MAD1L1: variants seen among roughly 807,000 people sequenced by gnomAD.
MAD1L1 encodes the protein mitotic spindle assembly checkpoint protein MAD1.
In MAD1L1, 95 loss-of-function variants were observed where a neutral mutation model predicts 96.9. That is an observed-to-expected ratio of 0.98 (90% CI 0.83 to 1.16). The LOEUF is 1.16. Ranked by LOEUF, MAD1L1 falls within the 50% of genes most tolerant of loss-of-function variation. The probability of loss-of-function intolerance (pLI) is 0.00; values close to 1 mark genes in which losing one functional copy is unlikely to be tolerated. For missense variants in MAD1L1, 1,007 were observed against 954.4 expected (o/e 1.06, Z -0.73); for synonymous variants, 473 against 396.6 (o/e 1.19, Z -2.29).
intron 13 of MAD1L1, among the ~76,000 whole-genome samples, chr7:2,003,328 G>T (rs1404839472): frequency 1.3e-5 from 2 of 152,142 alleles, no homozygotes; most frequent in African/African-American, 4.8e-5. Context: ...CATGTGGTGG[G>T]GATGGGGGAA....
intron 18 of MAD1L1, among the ~76,000 whole-genome samples, chr7:1,852,441 G>T (rs1784027479): frequency 6.6e-6 from 1 of 152,170 alleles, no homozygotes; most frequent in African/African-American, 2.4e-5. Flanking sequence ...TGCACTGGGG[G>T]GAGTCCAGGC....
chr7:2,033,568 T>C (rs930847186), intron 12 of MAD1L1, among the ~76,000 whole-genome samples: 1 of 152,152 alleles, frequency 6.6e-6, no homozygotes, highest in Non-Finnish European at 1.5e-5. Flanking sequence ...AACACGGTAA[T>C]AGAAAACTGG....
chr7:1,822,996 G>A (rs945688855), intron 18 of MAD1L1, among the ~76,000 whole-genome samples: 97 of 152,042 alleles, frequency 6.4e-4, no homozygotes, highest in African/African-American at 2.2e-3. Flanking sequence ...ATATTATGCC[G>A]TGACCAAGTG....
At chr7:1,928,786 G>C (rs1209363616) in intron 17 of MAD1L1, among the ~76,000 whole-genome samples, 1 of 152,194 alleles carries the variant, frequency 6.6e-6, no homozygotes, top group Non-Finnish European at 1.5e-5. Flanking sequence ...TGCCACGTGA[G>C]AGCTGGGCAC....
At chr7:2,149,397 A>T (rs1428206068) in intron 10 of MAD1L1, among the ~76,000 whole-genome samples, 159 bp from the exon 11 acceptor site, 1 of 152,144 alleles carries the variant, frequency 6.6e-6, no homozygotes, top group Admixed American at 6.5e-5. Context: ...GCATGCACGC[A>T]CTACAGCCTG....
At chr7:1,938,628 C>T (rs1431073540) in intron 16 of MAD1L1, among the ~76,000 whole-genome samples, 1 of 152,182 alleles carries the variant, frequency 6.6e-6, no homozygotes, top group South Asian at 2.1e-4. Context: ...TCAGACAACC[C>T]ACTCTAAAAA....
intron 17 of MAD1L1, among the ~76,000 whole-genome samples, chr7:1,905,874 A>C (rs1355750300): frequency 6.6e-6 from 1 of 151,980 alleles, no homozygotes; most frequent in Non-Finnish European, 1.5e-5. Flanking sequence ...ACATGGTGAA[A>C]CCCTGTCTCT....
intron 18 of MAD1L1, among the ~76,000 whole-genome samples, chr7:1,831,358 T>G (rs138281808): frequency 6.6e-6 from 1 of 152,280 alleles, no homozygotes; most frequent in Non-Finnish European, 1.5e-5. Flanking sequence ...CTGATAAATG[T>G]GTGTGTTCTG....
At chr7:1,979,171 G>A (rs1411097759) in intron 15 of MAD1L1, among the ~76,000 whole-genome samples, 3 of 152,182 alleles carry the variant, frequency 2.0e-5, no homozygotes, top group East Asian at 1.9e-4. Context: ...GGCTGCTGCC[G>A]CGGGGGGTCC....
At chr7:2,161,182 AT>A (rs1790099146) in intron 10 of MAD1L1, among the ~76,000 whole-genome samples, 1 of 29,872 alleles carries the variant, frequency 3.3e-5, no homozygotes, top group Non-Finnish European at 6.6e-5. Context: ...TACTGCCGCC[AT>A]CTCGACTCAC....
chr7:2,062,196 C>G (rs1293681554), intron 12 of MAD1L1, among the ~76,000 whole-genome samples: 1 of 148,858 alleles, frequency 6.7e-6, no homozygotes, highest in Non-Finnish European at 1.5e-5. Context: ...GAGCTGAGAT[C>G]GCGCCACTGC....
chr7:1,872,958 G>C (rs755807409), intron 18 of MAD1L1, among the ~76,000 whole-genome samples: 11 of 152,238 alleles, frequency 7.2e-5, no homozygotes, highest in Non-Finnish European at 1.5e-4. Context: ...CACGGAGAGA[G>C]AGATGGCCGT....
chr7:1,939,898 C>T (rs956176404), intron 16 of MAD1L1, among the ~76,000 whole-genome samples: 16 of 152,226 alleles, frequency 1.1e-4, no homozygotes, highest in Admixed American at 2.6e-4. Context: ...CATGGGCAAT[C>T]GTGGTCCCAG....
intron 17 of MAD1L1, among the ~76,000 whole-genome samples, chr7:1,935,778 G>C (rs1290124747): frequency 6.6e-6 from 1 of 152,234 alleles, no homozygotes; most frequent in African/African-American, 2.4e-5. Context: ...ATCACCTCGA[G>C]ATGCCAAAGG....
chr7:1,849,064 A>AAATG (rs71023365), intron 18 of MAD1L1: 45,046 of 148,092 alleles, frequency 0.3, 7,084 homozygotes, highest in East Asian at 0.43. Flanking sequence ...ACACACACAC[A>AAATG]CACACACACA....
chr7:2,042,771 A>G (rs1783744390), intron 12 of MAD1L1, among the ~76,000 whole-genome samples: 1 of 152,190 alleles, frequency 6.6e-6, no homozygotes, highest in Non-Finnish European at 1.5e-5. Flanking sequence ...GCAGAAGCAG[A>G]TGCCGGCGCT....
intron 18 of MAD1L1, among the ~76,000 whole-genome samples, chr7:1,892,350 T>C (rs1023988166): frequency 4.6e-5 from 7 of 152,248 alleles, no homozygotes; most frequent in Admixed American, 4.6e-4. Flanking sequence ...CCCTGTCATC[T>C]GGCAAAGCGA....
chr7:2,195,461 G>A (rs1406275473), intron 10 of MAD1L1, among the ~76,000 whole-genome samples: 3 of 152,200 alleles, frequency 2.0e-5, no homozygotes, highest in Admixed American at 6.5e-5. Context: ...ACCAAGAATT[G>A]TGTGTCAAAA....
At chr7:2,084,509 A>G (rs1785812596) in intron 11 of MAD1L1, among the ~76,000 whole-genome samples, 1 of 152,250 alleles carries the variant, frequency 6.6e-6, no homozygotes, top group African/African-American at 2.4e-5. Flanking sequence ...GGAGGTCCCC[A>G]GGCTCTGGCA....
Sources: allele counts gnomAD v4.1 joint callset (sites outside exome capture counted in the v4.1 genomes callset), GRCh38; gene constraint gnomAD v4.1.1; transcripts MANE v1.5; gene names NCBI Gene and HGNC (gene_info 2026-07-23, HGNC 2026-07-21).